Variants in PLXDC2 observed in about 807,000 individuals in gnomAD.
PLXDC2 encodes the protein plexin domain containing 2, also known as plexin domain-containing protein 2.
PLXDC2 carries 40 observed loss-of-function variants against 68.9 expected under a neutral mutation model. The ratio of observed to expected loss-of-function variants is 0.58; its 90% CI spans 0.45 to 0.76. The LOEUF (loss-of-function observed/expected upper bound fraction) is 0.76. Among genes scored for constraint, PLXDC2 ranks in the 30% least tolerant of loss-of-function variants. PLXDC2 has a pLI of 0.00. For missense variants in PLXDC2, 644 were observed against 661.9 expected (o/e 0.97, Z 0.30); for synonymous variants, 243 against 234.2 (o/e 1.04, Z -0.34).
At chr10:19,820,635 C>T (rs951198732) in intron 1 of PLXDC2, among the ~76,000 whole-genome samples, 2 of 117,490 alleles carry the variant, frequency 1.7e-5, no homozygotes, top group Non-Finnish European at 3.5e-5. Flanking sequence ...AGCGAGACTC[C>T]GTCTCAAAAA....
At chr10:20,141,505 A>G (rs1276004360) in intron 4 of PLXDC2, among the ~76,000 whole-genome samples, 1 of 152,106 alleles carries the variant, frequency 6.6e-6, no homozygotes, top group Non-Finnish European at 1.5e-5. Context: ...AATATAAAGA[A>G]GAAAAATAAC....
At position 20,184,565 on chromosome 10, in the gene PLXDC2, TA is replaced by T. The variant is rs537951297; in HGVS notation, c.1061+7157del. On this transcript the variant is annotated intron_variant, in intron 9 of 13. Transcript: ENST00000377252. ...AGGGTTAAAATAATTCCTTCTTACA[TA>T]GGGGCAGCTAATTTTTGCAAATAAA... 2.3e-3 allele frequency among the ~76,000 whole-genome samples: 353 copies of T among 151,942 alleles called. 1 individual carries two copies. Among genetic ancestry groups the T allele is most frequent in the African/African-American group, 8.0e-3 (332 of 41,524 alleles).
intron 9 of PLXDC2, among the ~76,000 whole-genome samples, chr10:20,190,596 TAA>T (rs1157918463): frequency 2.0e-5 from 1 of 49,448 alleles, no homozygotes; most frequent in Non-Finnish European, 4.1e-5. Context: ...TAAAGTGTAA[TAA>T]ATATATATAT....
chr10:19,887,663 C>T (rs1837874212), intron 1 of PLXDC2, among the ~76,000 whole-genome samples: 1 of 152,182 alleles, frequency 6.6e-6, no homozygotes, highest in Non-Finnish European at 1.5e-5. Flanking sequence ...GTATGTCACA[C>T]ATGTAAAATC....
chr10:19,945,492 G>C (rs1833887312), intron 1 of PLXDC2, among the ~76,000 whole-genome samples: 1 of 152,200 alleles, frequency 6.6e-6, no homozygotes, highest in Non-Finnish European at 1.5e-5. Context: ...GCTTTGCCAA[G>C]GCCGGGCTGG....
At chr10:20,102,071 G>A (rs1339701030) in intron 4 of PLXDC2, among the ~76,000 whole-genome samples, 1 of 152,080 alleles carries the variant, frequency 6.6e-6, no homozygotes, top group African/African-American at 2.4e-5. Context: ...AAAGTGCTTA[G>A]ATTACAGGCA....
At chr10:20,165,766 A>G (rs546836572) in intron 7 of PLXDC2, among the ~76,000 whole-genome samples, 1 of 152,180 alleles carries the variant, frequency 6.6e-6, no homozygotes, top group Non-Finnish European at 1.5e-5. Context: ...TTTACATTTT[A>G]TAGAATAAAA....
chr10:20,265,582 C>T (rs2681930), intron 13 of PLXDC2, among the ~76,000 whole-genome samples: 132,865 of 152,162 alleles, frequency 0.87, 58,476 homozygotes, highest in Middle Eastern at 0.95. Context: ...ATAATGTTTC[C>T]GGGGATAATA....
At chr10:20,254,248 T>C (rs116650925) in intron 13 of PLXDC2, among the ~76,000 whole-genome samples, 2,240 of 152,274 alleles carry the variant, frequency 0.015, 48 homozygotes, top group African/African-American at 0.05. Context: ...CAACTTTTCC[T>C]GGCAACTAAT....
intron 1 of PLXDC2, among the ~76,000 whole-genome samples, chr10:19,911,010 G>A (rs985588347): frequency 4.6e-5 from 7 of 151,578 alleles, no homozygotes; most frequent in Non-Finnish European, 8.8e-5. Context: ...CTGAGTCTCA[G>A]AAAACAAAAA....
At chr10:20,221,471 A>G (rs1011937127) in intron 12 of PLXDC2, among the ~76,000 whole-genome samples, 3 of 152,186 alleles carry the variant, frequency 2.0e-5, no homozygotes, top group African/African-American at 7.2e-5. Flanking sequence ...GACTCTTCTT[A>G]TATCTATGGT....
intron 1 of PLXDC2, among the ~76,000 whole-genome samples, chr10:19,987,201 A>G (rs180970903): frequency 6.6e-6 from 1 of 152,308 alleles, no homozygotes; most frequent in Admixed American, 6.5e-5. Flanking sequence ...GGAGCAGTTG[A>G]TGCCTTCATA....
At chr10:19,972,769 T>C (rs1834377218) in intron 1 of PLXDC2, among the ~76,000 whole-genome samples, 1 of 152,138 alleles carries the variant, frequency 6.6e-6, no homozygotes, top group Admixed American at 6.5e-5. Flanking sequence ...GCCTAAACTT[T>C]TATGTAATTT....
chr10:20,211,413 C>G (rs943371863), intron 9 of PLXDC2, among the ~76,000 whole-genome samples: 1 of 152,110 alleles, frequency 6.6e-6, no homozygotes. Flanking sequence ...GTATTCCGTA[C>G]AGTGCAGTTT....
chr10:20,163,462 A>C (rs1834333506), intron 6 of PLXDC2, among the ~76,000 whole-genome samples: 1 of 151,916 alleles, frequency 6.6e-6, no homozygotes, highest in African/African-American at 2.4e-5. Context: ...TCTCCAACTT[A>C]TTCCCCTTCT....
intron 9 of PLXDC2, among the ~76,000 whole-genome samples, chr10:20,202,754 T>G (rs560117330): frequency 6.6e-6 from 1 of 152,298 alleles, no homozygotes; most frequent in South Asian, 2.1e-4. Context: ...CTTCATTCTC[T>G]TTCCCATTCT....
chr10:20,177,472 T>A, intron 9 of PLXDC2, 63 bp downstream of exon 9: 1 of 891,946 alleles, frequency 1.1e-6, no homozygotes, highest in Non-Finnish European at 1.5e-6. Context: ...GATTAGAAAT[T>A]AAAAATAACT....
intron 6 of PLXDC2, among the ~76,000 whole-genome samples, chr10:20,159,608 TC>T (rs1834264281): frequency 2.0e-5 from 3 of 152,268 alleles, no homozygotes; most frequent in African/African-American, 7.2e-5. Flanking sequence ...GCTCAAAACC[TC>T]CCAAATCTTT....
At chr10:20,024,407 G>A (rs191414666) in intron 2 of PLXDC2, among the ~76,000 whole-genome samples, 43 of 152,224 alleles carry the variant, frequency 2.8e-4, no homozygotes, top group Admixed American at 1.8e-3. Context: ...GTTCATGCCT[G>A]TTCTTACTCA....
Sources: gnomAD v4.1 joint callset for allele counts (sites outside exome capture counted in the v4.1 genomes callset) on GRCh38, gnomAD v4.1.1 for gene constraint, MANE v1.5 for transcripts, NCBI Gene and HGNC (gene_info 2026-07-23, HGNC 2026-07-21) for gene names.